ENTHD1: variants seen among roughly 807,000 people sequenced by gnomAD.
The protein encoded by ENTHD1 is ENTH domain-containing protein 1.
In ENTHD1, 23 loss-of-function variants were observed where a neutral mutation model predicts 39.1. The observed-to-expected ratio is 0.59, with a 90% CI of 0.42 to 0.83. The LOEUF (loss-of-function observed/expected upper bound fraction) is 0.83, where lower values mean the gene tolerates loss of function less well. ENTHD1 is among the 40% of genes least tolerant of loss of function. ENTHD1 has a pLI of 0.00. For synonymous variants in ENTHD1, 230 were observed against 258.2 expected, an observed-to-expected ratio of 0.89 and a Z score of 1.05; for missense variants, 624 against 705.4, an observed-to-expected ratio of 0.88 and a Z score of 1.31.
chr22:39,763,781 C>G (rs2065253418), intron 6 of ENTHD1, among the ~76,000 whole-genome samples: 1 of 152,112 alleles, frequency 6.6e-6, no homozygotes, highest in African/African-American at 2.4e-5. Context: ...GAACTTCTCG[C>G]TAAATTTTAA....
intron 3 of ENTHD1, among the ~76,000 whole-genome samples, chr22:39,860,500 T>C (rs944194065): frequency 2.0e-5 from 3 of 152,244 alleles, no homozygotes; most frequent in African/African-American, 7.2e-5. Flanking sequence ...TATTTGCTAC[T>C]ATAATTACAA....
intron 6 of ENTHD1, among the ~76,000 whole-genome samples, chr22:39,758,299 A>C (rs1380870860): frequency 6.6e-6 from 1 of 152,150 alleles, no homozygotes; most frequent in African/African-American, 2.4e-5. Context: ...CCTCTAATAC[A>C]ATGTTGAATA....
intron 1 of ENTHD1, 78 bp from the exon 2 acceptor site, chr22:39,887,981 G>T: frequency 2.4e-6 from 1 of 412,046 alleles, no homozygotes; most frequent in Non-Finnish European, 4.3e-6. Flanking sequence ...TGAAAATCTA[G>T]GTTTTGTTTC....
intron 5 of ENTHD1, among the ~76,000 whole-genome samples, chr22:39,785,317 C>T (rs1394327444): frequency 4.6e-5 from 7 of 151,998 alleles, no homozygotes; most frequent in East Asian, 1.9e-4. Flanking sequence ...AAAGGTTCCC[C>T]GATATATCCG....
At chr22:39,794,620 G>A (rs1426320779) in intron 5 of ENTHD1, among the ~76,000 whole-genome samples, 4 of 152,008 alleles carry the variant, frequency 2.6e-5, no homozygotes, top group South Asian at 4.2e-4. Context: ...GGCTAACATG[G>A]TGAAACCCCG....
chr22:39,745,195 CT>C (rs2065093847), intron 6 of ENTHD1, among the ~76,000 whole-genome samples: 1 of 152,122 alleles, frequency 6.6e-6, no homozygotes, highest in South Asian at 2.1e-4. Context: ...AAACATGGAA[CT>C]TTTTTCTCTT....
intron 4 of ENTHD1, among the ~76,000 whole-genome samples, chr22:39,823,324 T>C (rs1601619344): frequency 6.6e-6 from 1 of 152,284 alleles, no homozygotes; most frequent in Non-Finnish European, 1.5e-5. Context: ...AACATTTGTG[T>C]ACAGGTTTTT....
chr22:39,773,698 A>G (rs530863599), intron 5 of ENTHD1, among the ~76,000 whole-genome samples: 1 of 152,200 alleles, frequency 6.6e-6, no homozygotes, highest in African/African-American at 2.4e-5. Context: ...ATTCATTGCA[A>G]TTCTCTGGGG....
At chr22:39,768,133 T>C (rs2065292387) in intron 5 of ENTHD1, among the ~76,000 whole-genome samples, 1 of 152,234 alleles carries the variant, frequency 6.6e-6, no homozygotes, top group Non-Finnish European at 1.5e-5. Context: ...ACCAGGTTTC[T>C]CTTCCATCAG....
chr22:39,777,023 G>T (rs149166904), intron 5 of ENTHD1, among the ~76,000 whole-genome samples: 1 of 152,180 alleles, frequency 6.6e-6, no homozygotes, highest in Non-Finnish European at 1.5e-5. Flanking sequence ...TCCAATTACA[G>T]CTACAAAGCA....
chr22:39,781,443 T>C (rs1485325104), intron 5 of ENTHD1, among the ~76,000 whole-genome samples: 1 of 152,052 alleles, frequency 6.6e-6, no homozygotes, highest in African/African-American at 2.4e-5. Context: ...GAAGGAAATT[T>C]AAAAATTTCT....
chr22:39,809,948 T>C (rs990013142), intron 5 of ENTHD1, among the ~76,000 whole-genome samples: 2 of 152,198 alleles, frequency 1.3e-5, no homozygotes, highest in East Asian at 3.8e-4. Context: ...TGGTGGTTAA[T>C]GAATCACAGG....
At chr22:39,809,906 G>C (rs751489269) in intron 5 of ENTHD1, among the ~76,000 whole-genome samples, 6 of 152,122 alleles carry the variant, frequency 3.9e-5, no homozygotes, top group Non-Finnish European at 5.9e-5. Flanking sequence ...TCTGTTTTTT[G>C]TTTTTTGTTT....
At chr22:39,848,817 T>TA (rs567115127) in intron 3 of ENTHD1, among the ~76,000 whole-genome samples, 1 of 152,250 alleles carries the variant, frequency 6.6e-6, no homozygotes, top group Non-Finnish European at 1.5e-5. Context: ...TATTTCAATG[T>TA]AAAAAATATA....
At chr22:39,887,968 A>C in intron 1 of ENTHD1, 65 bp from the exon 2 acceptor site, 1 of 427,628 alleles carries the variant, frequency 2.3e-6, no homozygotes, top group Non-Finnish European at 4.1e-6. Context: ...GACCAAATCA[A>C]TCTGAAAATC....
At chr22:39,786,943 G>T (rs550092299) in intron 5 of ENTHD1, among the ~76,000 whole-genome samples, 2 of 152,260 alleles carry the variant, frequency 1.3e-5, no homozygotes, top group African/African-American at 4.8e-5. Context: ...ATTTTATTGT[G>T]TTTCTCAGAT....
At position 39,743,638 on chromosome 22, in the gene ENTHD1, T is replaced by C. The variant is rs772294347; in HGVS notation, c.*41A>G. The C allele has an allele frequency of 2.0e-6, 3 of 1,529,436 alleles. No homozygotes were observed. The highest frequency in any genetic ancestry group is 2.6e-6 in the Non-Finnish European group (3 of 1,141,162). 94.7% of individuals were successfully genotyped at this position (1,529,436 alleles called of 1,614,324 possible). ...AATGCTAACGTAAGTCTTGGGGAAG[T>C]GGAACCACACGAGTTCTATCAAAAA... On this transcript the variant is annotated 3_prime_UTR_variant, in exon 7 of 7. Transcript: ENST00000325157.
intron 5 of ENTHD1, among the ~76,000 whole-genome samples, chr22:39,789,884 T>C (rs2065490331): frequency 6.6e-6 from 1 of 151,784 alleles, no homozygotes; most frequent in African/African-American, 2.4e-5. Flanking sequence ...CTGTTTTATA[T>C]AGGGTGATCG....
In ENTHD1 at chr22:39,761,850, A is replaced by G. The variant is rs560594112; in HGVS notation, c.1219+3373T>C. Among the ~76,000 whole-genome samples the G allele has an allele frequency of 1.8e-3, 270 of 152,212 alleles. 1 individual carries two copies. The highest frequency in any genetic ancestry group is 3.2e-3 in the Non-Finnish European group (217 of 68,010). On this transcript the variant is annotated intron_variant, in intron 6 of 6. Coordinates refer to ENST00000325157, the MANE Select transcript of ENTHD1 (RefSeq NM_152512.4). Reference sequence around the variant, plus strand: ...AGTTGTGAGTACTTTAAGTTCTTAAATGGATTTGTAATAGCTGCTTTTAGA... The same window carrying G: ...AGTTGTGAGTACTTTAAGTTCTTAAGTGGATTTGTAATAGCTGCTTTTAGA...
Sources: gnomAD v4.1 joint callset for allele counts (sites outside exome capture counted in the v4.1 genomes callset) on GRCh38, gnomAD v4.1.1 for gene constraint, MANE v1.5 for transcripts, NCBI Gene and HGNC (gene_info 2026-07-23, HGNC 2026-07-21) for gene names.